EYS: variants seen among roughly 807,000 people sequenced by gnomAD.
EYS encodes EGF-like photoreceptor maintenance factor.
Under a neutral mutation model 282.1 loss-of-function variants are expected in EYS, and 250 were observed. The observed-to-expected ratio is 0.89, with a 90% CI of 0.80 to 0.98. The LOEUF (loss-of-function observed/expected upper bound fraction) is 0.98, where lower values mean the gene tolerates loss of function less well. Among genes scored for constraint, EYS ranks in the 50% least tolerant of loss-of-function variants. EYS has a pLI of 0.00. For missense variants in EYS, 4,016 were observed against 3,709.0 expected, an observed-to-expected ratio of 1.08 and a Z score of -2.15; for synonymous variants, 1,355 against 1,282.9, an observed-to-expected ratio of 1.06 and a Z score of -1.20.
intron 26 of EYS, among the ~76,000 whole-genome samples, chr6:64,523,197 C>G (rs1777812381): frequency 6.6e-6 from 1 of 151,618 alleles, no homozygotes; most frequent in Non-Finnish European, 1.5e-5. Flanking sequence ...TGATTAAAAC[C>G]AATGTGCTCA....
chr6:65,692,010 T>A (rs375969312), intron 1 of EYS, among the ~76,000 whole-genome samples: 1 of 150,166 alleles, frequency 6.7e-6, no homozygotes, highest in East Asian at 2.3e-4. Context: ...ATAGGAGATA[T>A]GAAATACACT....
rs1302184232 is a variant in EYS at position 64,344,175 on chromosome 6, GA to G, written c.6079-37094del. On this transcript the variant is annotated intron_variant, in intron 29 of 42. Coordinates refer to ENST00000503581, the MANE Select transcript of EYS (RefSeq NM_001142800.2). Reference sequence around the variant, plus strand: ...CCTTCTGAAACTATTCCAATCAATAGAAAAAGAGGGAATCCTCCCTAACTCA... The same window carrying G: ...CCTTCTGAAACTATTCCAATCAATAGAAAAGAGGGAATCCTCCCTAACTCA... Among the ~76,000 whole-genome samples, 5 of 152,188 alleles carry G rather than the reference GA, an allele frequency of 3.3e-5. No homozygotes were observed. The East Asian group carries it at 9.7e-4, about 29-fold the overall frequency.
intron 5 of EYS, among the ~76,000 whole-genome samples, chr6:65,461,060 T>C (rs1217207059): frequency 6.6e-6 from 1 of 152,156 alleles, no homozygotes; most frequent in Non-Finnish European, 1.5e-5. Context: ...TATGATTCTC[T>C]ATTCAGAAAT....
rs1270734246 is a variant in EYS at position 64,932,494 on chromosome 6, C to A, written c.2381+13299G>T. 5.3e-5 allele frequency among the ~76,000 whole-genome samples: 8 copies of A among 151,926 alleles called. No individual in the cohort carries two copies. The East Asian group carries it at 1.4e-3, about 26-fold the overall frequency. On this transcript the variant is annotated intron_variant, in intron 15 of 42. Coordinates refer to ENST00000503581, the MANE Select transcript of EYS (RefSeq NM_001142800.2). ...GCAACTCTAGGTTGATCAATATAAT[C>A]AAAGATTTAATAACTCGGGAATTAG...
At chr6:64,015,833 A>G (rs1768865688) in intron 33 of EYS, among the ~76,000 whole-genome samples, 1 of 152,232 alleles carries the variant, frequency 6.6e-6, no homozygotes, top group Non-Finnish European at 1.5e-5. Flanking sequence ...AGGTTTGTGC[A>G]CCAGCTTCAA....
intron 36 of EYS, among the ~76,000 whole-genome samples, chr6:63,839,297 A>G (rs909891476): frequency 6.6e-6 from 1 of 151,912 alleles, no homozygotes; most frequent in African/African-American, 2.4e-5. Context: ...TCCATATATG[A>G]GTGAGAACAT....
intron 15 of EYS, among the ~76,000 whole-genome samples, chr6:64,944,315 T>C (rs936916947): frequency 1.3e-5 from 2 of 152,008 alleles, no homozygotes; most frequent in Admixed American, 6.6e-5. Context: ...CCTTGATAAA[T>C]AATTTATGAG....
At chr6:64,403,637 G>A (rs190481243) in intron 28 of EYS, among the ~76,000 whole-genome samples, 11 of 152,238 alleles carry the variant, frequency 7.2e-5, no homozygotes, top group African/African-American at 2.6e-4. Flanking sequence ...GATTACAGGC[G>A]TGAGCTACTG....
intron 35 of EYS, among the ~76,000 whole-genome samples, chr6:63,962,656 T>C (rs931700792): frequency 2.6e-5 from 4 of 152,204 alleles, no homozygotes; most frequent in African/African-American, 9.7e-5. Flanking sequence ...TGTACACTGT[T>C]GGTGGGACTG....
chr6:64,015,032 A>T lies in EYS; in HGVS notation c.6726-15849T>A, dbSNP rs367597872. ...GTAATCTAGGCTTAATGATTGAAAG[A>T]AGAGTTACTAGCCCTTCTTTAAGTC... On this transcript the variant is annotated intron_variant, in intron 33 of 42. Transcript: ENST00000503581. 3.3e-5 allele frequency among the ~76,000 whole-genome samples: 5 copies of T among 152,314 alleles called. No homozygotes were observed. The South Asian group carries it at 8.3e-4, about 25-fold the overall frequency.
chr6:63,873,342 T>G (rs564100286), intron 35 of EYS, among the ~76,000 whole-genome samples: 1 of 152,308 alleles, frequency 6.6e-6, no homozygotes, highest in Non-Finnish European at 1.5e-5. Context: ...TCATCCTTTT[T>G]TATGGCTGCA....
In EYS at chr6:64,486,540, C is replaced by T. The variant is rs577574271; in HGVS notation, c.5645-47188G>A. Among the ~76,000 whole-genome samples the T allele has an allele frequency of 1.4e-3, 205 of 151,510 alleles. 1 individual carries two copies. Among genetic ancestry groups the T allele is most frequent in the African/African-American group, 4.7e-3 (195 of 41,442 alleles). On this transcript the variant is annotated intron_variant, in intron 26 of 42. Coordinates refer to ENST00000503581, the MANE Select transcript of EYS (RefSeq NM_001142800.2). The stretch of plus-strand genomic sequence containing the variant: ...ATTTACTGCTAAGTAGACACGGGCA[C>T]AATTATTACAGTTGATGAATTGCTT...
At chr6:65,345,118 AC>A (rs1770345360) in intron 9 of EYS, among the ~76,000 whole-genome samples, 5 of 151,728 alleles carry the variant, frequency 3.3e-5, no homozygotes. Context: ...TGAATATTTC[AC>A]CAAGAAATCT....
At chr6:63,788,071 A>T in intron 39 of EYS, 34 bp downstream of exon 39, 2 of 1,449,916 alleles carry the variant, frequency 1.4e-6, no homozygotes, top group Non-Finnish European at 1.8e-6. Context: ...ATTTGAAATA[A>T]GTAGGTATAA....
chr6:64,889,850 A>T (rs889124993), intron 18 of EYS, among the ~76,000 whole-genome samples: 1 of 152,078 alleles, frequency 6.6e-6, no homozygotes, highest in East Asian at 1.9e-4. Context: ...ACCTTAATAA[A>T]AGAACAGGAT....
At position 65,384,509 on chromosome 6, in the gene EYS, A is replaced by G. The variant is rs369985110; in HGVS notation, c.1185-9T>C. On this transcript the variant is annotated splice_polypyrimidine_tract_variant and intron_variant, in intron 7 of 42. Transcript: ENST00000503581. ...TAAATCCTGATATACAGCTGTAAAT[A>G]CATCAGTGTAAATTAGAAAAATTAT... The G allele has an allele frequency of 3.0e-5, 39 of 1,317,804 alleles. No homozygotes were observed. Among genetic ancestry groups the G allele is most frequent in the African/African-American group, 1.6e-4 (11 of 69,224 alleles). 81.6% of individuals were successfully genotyped at this position (1,317,804 alleles called of 1,614,324 possible).
chr6:65,088,346 C>A (rs2150175884), intron 12 of EYS, among the ~76,000 whole-genome samples: 1 of 152,262 alleles, frequency 6.6e-6, no homozygotes, highest in African/African-American at 2.4e-5. Flanking sequence ...TTCCTAGAAA[C>A]TTGTTGAATG....
Position 65,090,622 on chromosome 6 carries a change from A to G in EYS, c.2024-32895T>C, listed in dbSNP as rs1581900904. ...CCTAAATGAATGGAAACAGAAGAGA[A>G]GTTAAAGGATAAGTCATGGGAGCGG... On this transcript the variant is annotated intron_variant, in intron 12 of 42. Transcript: ENST00000503581. 3.3e-5 allele frequency among the ~76,000 whole-genome samples: 5 copies of G among 152,298 alleles called. No individual in the cohort carries two copies. The East Asian group carries it at 5.8e-4, about 18-fold the overall frequency.
At chr6:63,886,738 G>T (rs752047226) in intron 35 of EYS, among the ~76,000 whole-genome samples, 13 of 152,060 alleles carry the variant, frequency 8.5e-5, no homozygotes, top group Non-Finnish European at 1.3e-4. Context: ...TTGGGAGATG[G>T]CGATATATTA....
Sources: gnomAD v4.1 joint callset for allele counts (sites outside exome capture counted in the v4.1 genomes callset) on GRCh38, gnomAD v4.1.1 for gene constraint, MANE v1.5 for transcripts, NCBI Gene and HGNC (gene_info 2026-07-23, HGNC 2026-07-21) for gene names.